ERC1: variants seen among roughly 807,000 people sequenced by gnomAD.
The protein encoded by ERC1 is ELKS/RAB6-interacting/CAST family member 1.
ERC1 carries 56 observed loss-of-function variants against 132.0 expected under a neutral mutation model. That is an observed-to-expected ratio of 0.42 (90% CI 0.34 to 0.53). The LOEUF (loss-of-function observed/expected upper bound fraction) is 0.53, where lower values mean the gene tolerates loss of function less well. ERC1 is among the 20% of genes least tolerant of loss of function. The pLI is 0.03. For synonymous variants in ERC1, 478 were observed against 476.1 expected (o/e 1.00, Z -0.05); for missense variants, 1,202 against 1,349.9 (o/e 0.89, Z 1.72).
Position 1,027,858 on chromosome 12 carries a change from T to G in ERC1, c.-46T>G. ...CCTCACAAGGTTCCCATTTTTGTTGTTGTTGTTGTTGATTTTCTGCTCACA... is the reference window on the plus strand; with the variant it reads ...CCTCACAAGGTTCCCATTTTTGTTGGTGTTGTTGTTGATTTTCTGCTCACA... On this transcript the variant is annotated 5_prime_UTR_variant, in exon 2 of 19. Coordinates refer to ENST00000360905, the MANE Select transcript of ERC1 (RefSeq NM_178040.4). The G allele has an allele frequency of 1.3e-6, 2 of 1,508,388 alleles. No homozygotes were observed. The highest frequency in any genetic ancestry group is 1.8e-6 in the Non-Finnish European group (2 of 1,114,456). 93.4% of individuals were successfully genotyped at this position (1,508,388 alleles called of 1,614,324 possible).
At chr12:1,470,514 C>T (rs984928472) in intron 18 of ERC1, among the ~76,000 whole-genome samples, 3 of 150,608 alleles carry the variant, frequency 2.0e-5, no homozygotes, top group Non-Finnish European at 4.4e-5. Flanking sequence ...AAACCAAATA[C>T]GCTAGGCGGA....
chr12:1,385,527 C>G (rs981860376), intron 16 of ERC1, among the ~76,000 whole-genome samples: 4 of 152,220 alleles, frequency 2.6e-5, no homozygotes, highest in Admixed American at 2.6e-4. Flanking sequence ...CTCGTGATAA[C>G]GCCCGCCTCA....
At chr12:1,015,842 A>T (rs1965425950) in intron 1 of ERC1, among the ~76,000 whole-genome samples, 1 of 152,212 alleles carries the variant, frequency 6.6e-6, no homozygotes, top group Non-Finnish European at 1.5e-5. Context: ...TGTACTAGTA[A>T]TTTTGAGATT....
intron 16 of ERC1, among the ~76,000 whole-genome samples, chr12:1,395,408 T>G (rs1255681219): frequency 7.7e-5 from 3 of 38,808 alleles, no homozygotes; most frequent in African/African-American, 3.9e-4. Context: ...AATTTTGTAG[T>G]TTTTTTTTTT....
At chr12:1,279,848 A>G (rs1196597698) in intron 14 of ERC1, among the ~76,000 whole-genome samples, 1 of 152,086 alleles carries the variant, frequency 6.6e-6, no homozygotes, top group Non-Finnish European at 1.5e-5. Context: ...GGCGTGCGCC[A>G]CCATGCCCAG....
rs547376553 is a variant in ERC1 at position 1,186,886 on chromosome 12, A to G, written c.2158-2973A>G. On this transcript the variant is annotated intron_variant, in intron 11 of 18. Coordinates refer to ENST00000360905, the MANE Select transcript of ERC1 (RefSeq NM_178040.4). ...CACTCTGTTGCCCAGGCTGGAGTGC[A>G]GTGGCACAATCTCGACTCACTGCAG... 3.9e-5 allele frequency among the ~76,000 whole-genome samples: 6 copies of G among 152,310 alleles called. No individual in the cohort carries two copies. The South Asian group carries it at 6.2e-4, about 16-fold the overall frequency.
At chr12:996,748 A>G (rs1565740156) in intron 1 of ERC1, among the ~76,000 whole-genome samples, 1 of 152,236 alleles carries the variant, frequency 6.6e-6, no homozygotes, top group Non-Finnish European at 1.5e-5. Flanking sequence ...AAGAGAATAC[A>G]CAGTTAAAAG....
At chr12:1,064,640 C>T (rs59168573) in intron 2 of ERC1, among the ~76,000 whole-genome samples, 3,798 of 152,190 alleles carry the variant, frequency 0.025, 152 homozygotes, top group African/African-American at 0.087. Flanking sequence ...AGAATCCTCC[C>T]GCCTGGCCTC....
intron 13 of ERC1, among the ~76,000 whole-genome samples, chr12:1,256,211 A>C (rs1262615742): frequency 1.3e-5 from 2 of 151,812 alleles, no homozygotes; most frequent in Admixed American, 6.6e-5. Flanking sequence ...ACTCTGATGA[A>C]ATCTACTTCT....
At chr12:1,215,720 G>C (rs1208744813) in intron 12 of ERC1, among the ~76,000 whole-genome samples, 1 of 152,004 alleles carries the variant, frequency 6.6e-6, no homozygotes, top group Non-Finnish European at 1.5e-5. Context: ...TCTTATGCTC[G>C]GCAAAGACAG....
chr12:1,148,292 G>T (rs1428478125), intron 8 of ERC1, among the ~76,000 whole-genome samples: 2 of 152,124 alleles, frequency 1.3e-5, no homozygotes, highest in Non-Finnish European at 2.9e-5. Context: ...TATCTGAGTC[G>T]CTAGGGAGGC....
At position 991,244 on chromosome 12, in the gene ERC1, TGGCGGCGGCGGC is replaced by T. The variant is rs1239172763; in HGVS notation, c.-229_-218del. ...CGTCGCGGGCGCCTGGGCCGTGCTGTGGCGGCGGCGGCGGCGGTAGTGGCGGCGGCGGCGGTG... is the reference window on the plus strand; with the variant it reads ...CGTCGCGGGCGCCTGGGCCGTGCTGTGGCGGTAGTGGCGGCGGCGGCGGTG... On this transcript the variant is annotated 5_prime_UTR_variant, in exon 1 of 19. Coordinates refer to ENST00000360905, the MANE Select transcript of ERC1 (RefSeq NM_178040.4). 1.5e-5 allele frequency: 2 copies of T among 129,164 alleles called. No homozygotes were observed. Among genetic ancestry groups the T allele is most frequent in the Non-Finnish European group, 3.5e-5 (2 of 57,484 alleles). The allele number at this position is 129,164 out of a possible 1,614,324, so 8.0% of individuals were successfully genotyped here.
chr12:1,146,878 G>GT (rs1950428675), intron 8 of ERC1, among the ~76,000 whole-genome samples: 1 of 151,292 alleles, frequency 6.6e-6, no homozygotes, highest in South Asian at 2.1e-4. Context: ...GCAGTGTTTG[G>GT]TTTTTTGTCC....
Position 1,369,299 on chromosome 12 carries a change from A to G in ERC1, c.2781-2534A>G, listed in dbSNP as rs76689820. Among the ~76,000 whole-genome samples, 761 of 152,336 alleles carry G rather than the reference A, an allele frequency of 5.0e-3. 9 individuals carry two copies. Among genetic ancestry groups the G allele is most frequent in the African/African-American group, 0.017 (724 of 41,580 alleles). ...TAGCTGTCCAAGCATACCATTTATG[A>G]AAGAGTTTGGAATTCAGTCAAGAAG... On this transcript the variant is annotated intron_variant, in intron 15 of 18. Coordinates refer to ENST00000360905, the MANE Select transcript of ERC1 (RefSeq NM_178040.4).
At chr12:1,377,094 C>T (rs994148414) in intron 16 of ERC1, among the ~76,000 whole-genome samples, 3 of 152,134 alleles carry the variant, frequency 2.0e-5, no homozygotes, top group Admixed American at 1.3e-4. Context: ...GCTTTATTTC[C>T]CTAATCACTA....
rs1013588912 is a variant in ERC1, at chr12:1,016,637, T to TC, written c.-156-11111_-156-11110insC. ...ATTGGGATCAGTGCTTTTCTTTTCTTTTTTTTTTTTTTTTTGATTTTTTTG... is the reference window on the plus strand; with the variant it reads ...ATTGGGATCAGTGCTTTTCTTTTCTTCTTTTTTTTTTTTTTTGATTTTTTTG... On this transcript the variant is annotated intron_variant, in intron 1 of 18. Transcript: ENST00000360905. Among the ~76,000 whole-genome samples the TC allele has an allele frequency of 1.4e-4, 21 of 147,222 alleles. No individual in the cohort carries two copies. In the East Asian group the frequency reaches 3.9e-3, roughly 28 times the overall value.
At chr12:1,416,761 A>G (rs2092138782) in intron 17 of ERC1, among the ~76,000 whole-genome samples, 1 of 152,236 alleles carries the variant, frequency 6.6e-6, no homozygotes, top group African/African-American at 2.4e-5. Flanking sequence ...TTGTAAAATC[A>G]GGATAATAAT....
chr12:1,341,242 C>T (rs945947609), intron 15 of ERC1, among the ~76,000 whole-genome samples: 47 of 151,296 alleles, frequency 3.1e-4, no homozygotes, highest in African/African-American at 9.9e-4. Context: ...TACAGGCGCA[C>T]GCCACCAAGC....
intron 18 of ERC1, among the ~76,000 whole-genome samples, chr12:1,451,891 G>A (rs1430791876): frequency 2.0e-5 from 3 of 152,128 alleles, no homozygotes; most frequent in African/African-American, 2.4e-5. Flanking sequence ...CCATTAGGGT[G>A]AACCCTAATC....
Sources: gnomAD v4.1 joint callset for allele counts (sites outside exome capture counted in the v4.1 genomes callset) on GRCh38, gnomAD v4.1.1 for gene constraint, MANE v1.5 for transcripts, NCBI Gene and HGNC (gene_info 2026-07-23, HGNC 2026-07-21) for gene names.